The following MCPH1 variants were observed in gnomAD, a reference collection of about 807,000 sequenced individuals.
MCPH1 encodes microcephalin.
In MCPH1, 104 loss-of-function variants were observed where a neutral mutation model predicts 84.5. The ratio of observed to expected loss-of-function variants is 1.23; its 90% confidence interval spans 1.05 to 1.45. The LOEUF is 1.45. Ranked by LOEUF, MCPH1 falls within the 40% of genes most tolerant of loss-of-function variation. The pLI, the probability that MCPH1 is intolerant of heterozygous loss-of-function variation, is 0.00. For missense variants in MCPH1, 1,498 were observed against 1,005.7 expected, an observed-to-expected ratio of 1.49 and a Z score of -6.62; for synonymous variants, 514 against 366.8, an observed-to-expected ratio of 1.40 and a Z score of -4.58.
At chr8:6,461,628 C>T (rs1406635395) in intron 9 of MCPH1, among the ~76,000 whole-genome samples, 2 of 152,136 alleles carry the variant, frequency 1.3e-5, no homozygotes. Context: ...GCGTGAGCCA[C>T]CACACCCGGC....
At chr8:6,466,909 G>A (rs549463941) in intron 9 of MCPH1, among the ~76,000 whole-genome samples, 2 of 152,148 alleles carry the variant, frequency 1.3e-5, no homozygotes, top group African/African-American at 4.8e-5. Context: ...CTTTCCTTAC[G>A]TCTTTAACTC....
chr8:6,524,558 C>T (rs540080667), intron 12 of MCPH1, among the ~76,000 whole-genome samples: 9 of 152,308 alleles, frequency 5.9e-5, no homozygotes, highest in Admixed American at 3.3e-4. Flanking sequence ...GTTCAGATCA[C>T]GTCTTACCTT....
At position 6,444,605 on chromosome 8, in the gene MCPH1, CT is replaced by C; in HGVS notation, c.886del (p.Ser296GlnfsTer5). On this transcript the variant is annotated frameshift_variant, in exon 8 of 14. Coordinates refer to ENST00000344683, the MANE Select transcript of MCPH1 (RefSeq NM_024596.5). LOFTEE classifies it high-confidence loss of function. ...KSSPQKFLSN[L>X]SKEEINLQRN... ...AAGTCCTCAGAAATTTCTGAGTAATCTTTCAAAGGAAGAAATAAACTTGCAA... is the reference window on the plus strand; with the variant it reads ...AAGTCCTCAGAAATTTCTGAGTAATCTTCAAAGGAAGAAATAAACTTGCAA... 6.2e-7 allele frequency: 1 copy of C among 1,614,186 alleles called. No homozygotes were observed. Among genetic ancestry groups the C allele is most frequent in the South Asian group, 1.1e-5 (1 of 91,084 alleles).
chr8:6,634,069 G>C (rs1274709541), intron 13 of MCPH1, among the ~76,000 whole-genome samples: 1 of 152,114 alleles, frequency 6.6e-6, no homozygotes, highest in African/African-American at 2.4e-5. Context: ...ATGAGCAGAA[G>C]TTAATGAAAA....
intron 8 of MCPH1, chr8:6,445,980 G>A (rs1309068709): frequency 2.8e-5 from 27 of 980,210 alleles, no homozygotes; most frequent in African/African-American, 3.5e-5. Flanking sequence ...TTAAGCCATC[G>A]ATTGTATCAT....
rs1823871871 is a variant in MCPH1, at chr8:6,552,727, G to C, written c.2214+52798G>C. 2.6e-5 allele frequency among the ~76,000 whole-genome samples: 4 copies of C among 151,904 alleles called. No homozygotes were observed. In the South Asian group the frequency reaches 8.3e-4, roughly 32 times the overall value. ...GTTCACTGATGTAGGTAAGAAAACT[G>C]GTACCGTTTCTGAAGATACACAGTG... On this transcript the variant is annotated intron_variant, in intron 12 of 13. Coordinates refer to ENST00000344683, the MANE Select transcript of MCPH1 (RefSeq NM_024596.5).
intron 12 of MCPH1, among the ~76,000 whole-genome samples, chr8:6,618,254 T>C (rs1245773881): frequency 6.6e-6 from 1 of 152,266 alleles, no homozygotes; most frequent in Non-Finnish European, 1.5e-5. Flanking sequence ...GAACACCGCC[T>C]GCTGCATCTA....
intron 12 of MCPH1, among the ~76,000 whole-genome samples, chr8:6,587,431 G>A (rs1828086016): frequency 6.6e-6 from 1 of 152,158 alleles, no homozygotes; most frequent in Non-Finnish European, 1.5e-5. Flanking sequence ...CACTTTCAAT[G>A]TGTGGTTGGA....
chr8:6,611,181 G>A (rs1830232332), intron 12 of MCPH1, among the ~76,000 whole-genome samples: 1 of 151,974 alleles, frequency 6.6e-6, no homozygotes, highest in South Asian at 2.1e-4. Flanking sequence ...AAATGTATGG[G>A]TTTTTTTCAT....
At chr8:6,501,683 G>C (rs3958765) in intron 12 of MCPH1, 49,318 of 150,882 alleles carry the variant, frequency 0.33, 8,416 homozygotes, top group Middle Eastern at 0.47. Context: ...AGCCTCCCGA[G>C]TAGCTGGGAT....
chr8:6,515,967 C>G (rs1816190611), intron 12 of MCPH1, among the ~76,000 whole-genome samples: 1 of 152,216 alleles, frequency 6.6e-6, no homozygotes, highest in East Asian at 1.9e-4. Flanking sequence ...TGCCTGATGC[C>G]TCATTGCCAG....
At position 6,642,933 on chromosome 8, in the gene MCPH1, T is replaced by A. The variant is rs1372430846; in HGVS notation, c.2453-61T>A. ...TAGTTTCATGTATATACAAACAGGT[T>A]ATCACTTTCCTATGTGGCTGGCTAT... On this transcript the variant is annotated intron_variant, in intron 13 of 13. Transcript: ENST00000344683. 12 of 1,484,204 alleles carry A rather than the reference T, an allele frequency of 8.1e-6. No individual in the cohort carries two copies. The African/African-American group carries it at 1.7e-4, about 21-fold the overall frequency. The allele number at this position is 1,484,204 out of a possible 1,614,324, so 91.9% of individuals were successfully genotyped here.
At chr8:6,633,099 C>G (rs927592901) in intron 13 of MCPH1, among the ~76,000 whole-genome samples, 1 of 151,272 alleles carries the variant, frequency 6.6e-6, no homozygotes, top group African/African-American at 2.4e-5. Flanking sequence ...AAAAAACGTA[C>G]AACAAATATT....
intron 12 of MCPH1, among the ~76,000 whole-genome samples, chr8:6,513,197 T>G (rs1815527243): frequency 6.6e-6 from 1 of 152,222 alleles, no homozygotes; most frequent in Non-Finnish European, 1.5e-5. Flanking sequence ...TTTTATATTG[T>G]TATAACCAAA....
At chr8:6,613,335 C>T (rs956056680) in intron 12 of MCPH1, among the ~76,000 whole-genome samples, 5 of 152,236 alleles carry the variant, frequency 3.3e-5, no homozygotes, top group African/African-American at 1.2e-4. Context: ...GGGACTGGCA[C>T]ACCAGCCAGA....
chr8:6,408,166 G>C (rs1288070152), intron 1 of MCPH1, among the ~76,000 whole-genome samples: 1 of 152,148 alleles, frequency 6.6e-6, no homozygotes, highest in African/African-American at 2.4e-5. Context: ...GTATTGTATG[G>C]GTACAGTTGT....
intron 12 of MCPH1, among the ~76,000 whole-genome samples, chr8:6,567,439 G>C (rs1331099898): frequency 6.6e-6 from 1 of 152,236 alleles, no homozygotes; most frequent in African/African-American, 2.4e-5. Context: ...CCTCGGCTCA[G>C]CCTTCTGTGT....
At chr8:6,533,532 T>C (rs1819922749) in intron 12 of MCPH1, among the ~76,000 whole-genome samples, 1 of 151,844 alleles carries the variant, frequency 6.6e-6, no homozygotes, top group East Asian at 1.9e-4. Flanking sequence ...TTAAAGTCAT[T>C]GTGTATGCGT....
intron 3 of MCPH1, among the ~76,000 whole-genome samples, chr8:6,428,871 T>G (rs1801443003): frequency 6.6e-6 from 1 of 152,186 alleles, no homozygotes; most frequent in Non-Finnish European, 1.5e-5. Flanking sequence ...CCTTTCACAC[T>G]TGTGGCTGCT....
Sources: gnomAD v4.1 joint callset for allele counts (sites outside exome capture counted in the v4.1 genomes callset) on GRCh38, gnomAD v4.1.1 for gene constraint, MANE v1.5 for transcripts, NCBI Gene and HGNC (gene_info 2026-07-23, HGNC 2026-07-21) for gene names.